The following MID1 variants were observed in gnomAD, a reference collection of about 807,000 sequenced individuals.
The protein encoded by MID1 is E3 ubiquitin-protein ligase Midline-1.
In MID1, 7 loss-of-function variants were observed where a neutral mutation model predicts 40.4. The observed-to-expected ratio is 0.17, with a 90% CI of 0.10 to 0.33. The LOEUF is 0.33. Among genes scored for constraint, MID1 ranks in the 10% least tolerant of loss-of-function variants. The pLI is 1.00. For missense variants in MID1, 367 were observed against 558.5 expected, an observed-to-expected ratio of 0.66 and a Z score of 3.46; for synonymous variants, 229 against 221.2, an observed-to-expected ratio of 1.04 and a Z score of -0.31.
intron 1 of MID1, among the ~76,000 whole-genome samples, chrX:10,649,347 C>A (rs1037259693): frequency 3.6e-5 from 4 of 111,940 alleles, no homozygotes; most frequent in Admixed American, 9.5e-5. Context: ...TCTTCTGCAG[C>A]TTTTAACACA....
intron 1 of MID1, among the ~76,000 whole-genome samples, chrX:10,643,180 A>C (rs956901573): frequency 3.9e-4 from 43 of 111,335 alleles, no homozygotes; most frequent in African/African-American, 1.3e-3. Flanking sequence ...TAATTAAACT[A>C]AAGAGCTTCT....
At chrX:10,759,253 A>G (rs907962268) in intron 1 of MID1, among the ~76,000 whole-genome samples, 1 of 112,270 alleles carries the variant, frequency 8.9e-6, no homozygotes, top group African/African-American at 3.2e-5. Context: ...TCAATTTTGC[A>G]TAACAGTTTC....
At chrX:10,667,761 T>C (rs188220841) in intron 1 of MID1, among the ~76,000 whole-genome samples, 3 of 111,395 alleles carry the variant, frequency 2.7e-5, no homozygotes, top group Admixed American at 9.6e-5. Context: ...ACACAGCATC[T>C]TGTGAGCTTT....
At chrX:10,730,532 G>A (rs1398847852) in intron 1 of MID1, among the ~76,000 whole-genome samples, 1 of 105,238 alleles carries the variant, frequency 9.5e-6, no homozygotes, top group Non-Finnish European at 1.9e-5. Context: ...CACTCAAATC[G>A]TACCGCAACT....
At position 10,550,501 on chromosome X, in the gene MID1, TCCAGGCTG is replaced by T. The variant is rs202125443; in HGVS notation, c.660+16379_660+16386del. 5.4e-3 allele frequency among the ~76,000 whole-genome samples: 600 copies of T among 111,863 alleles called. 1 individual carries two copies. The highest frequency in any genetic ancestry group is 0.017 in the African/African-American group (519 of 30,777). Reference sequence around the variant, plus strand: ...CTGTGCAAAGAACTCTGGGGCTGCTTCCAGGCTGCCAGGCTGCCAGGCTGCCACTCAGG... The same window carrying T: ...CTGTGCAAAGAACTCTGGGGCTGCTTCCAGGCTGCCAGGCTGCCACTCAGG... On this transcript the variant is annotated intron_variant, in intron 2 of 9. Coordinates refer to ENST00000317552, the MANE Select transcript of MID1 (RefSeq NM_000381.4).
chrX:10,508,267 G>A, intron 3 of MID1, among the ~76,000 whole-genome samples: 1 of 112,349 alleles, frequency 8.9e-6, no homozygotes, highest in Middle Eastern at 4.6e-3. Flanking sequence ...GCCACCACTA[G>A]CCACTTGTGG....
chrX:10,623,982 G>T (rs1447747839), upstream of MID1, among the ~76,000 whole-genome samples: 3 of 111,714 alleles, frequency 2.7e-5, no homozygotes, highest in Non-Finnish European at 5.6e-5. Context: ...AACAACATGA[G>T]TCCCCACTTA....
chrX:10,792,496 T>C (rs1207993114), intron 1 of MID1, among the ~76,000 whole-genome samples: 1 of 112,528 alleles, frequency 8.9e-6, no homozygotes, highest in African/African-American at 3.2e-5. Context: ...CACATATTGG[T>C]AGAATGTTCT....
intron 2 of MID1, among the ~76,000 whole-genome samples, chrX:10,561,980 C>T (rs112062559): frequency 0.037 from 3,907 of 106,776 alleles, 634 homozygotes; most frequent in African/African-American, 0.13. Context: ...CAAATGCCCA[C>T]CAATGATAGA....
intron 7 of MID1, among the ~76,000 whole-genome samples, chrX:10,465,230 C>T (rs1337620207): frequency 1.7e-4 from 16 of 92,863 alleles, no homozygotes; most frequent in Non-Finnish European, 2.7e-4. Context: ...CACACACACA[C>T]ACACACACAC....
intron 1 of MID1, among the ~76,000 whole-genome samples, chrX:10,720,135 T>C (rs938361090): frequency 2.7e-5 from 3 of 111,799 alleles, no homozygotes; most frequent in African/African-American, 9.8e-5. Context: ...GACATAGGCA[T>C]GGGCAAGGAC....
chrX:10,517,315 A>T (rs1932500287), intron 3 of MID1, among the ~76,000 whole-genome samples: 1 of 111,877 alleles, frequency 8.9e-6, no homozygotes, highest in South Asian at 3.8e-4. Context: ...GGAACCAAGG[A>T]TGTGGACCAG....
chrX:10,461,096 ATATATG>A (rs1929001300), intron 7 of MID1, among the ~76,000 whole-genome samples: 2 of 105,531 alleles, frequency 1.9e-5, no homozygotes, highest in South Asian at 8.1e-4. Context: ...ATATATATAT[ATATATG>A]TATGTATGTA....
rs757390504 is a variant in MID1, at chrX:10,636,785, G to GAGATAT, written c.-186-16367_-186-16366insATATCT. 4.9e-4 allele frequency among the ~76,000 whole-genome samples: 21 copies of GAGATAT among 42,708 alleles called. No homozygotes were observed. The East Asian group carries it at 8.5e-3, about 17-fold the overall frequency. 37.1% of individuals were successfully genotyped at this position (42,708 alleles called of 115,157 possible). A position where few individuals can be genotyped will look rare whatever the true frequency, so the allele number is the denominator to read the frequency against. On this transcript the variant is annotated intron_variant, in intron 1 of 10. Transcript: ENST00000380785. ...CAAACTGGGCCATTCCAACAATGGG[G>GAGATAT]ATATATATATATATATATATATATA...
intron 1 of MID1, among the ~76,000 whole-genome samples, chrX:10,597,130 A>G (rs1049682033): frequency 9.0e-6 from 1 of 111,296 alleles, no homozygotes; most frequent in Non-Finnish European, 1.9e-5. Context: ...CATATGTATA[A>G]TGTATATTGG....
chrX:10,601,820 T>C (rs375150971), intron 1 of MID1, among the ~76,000 whole-genome samples: 2 of 111,430 alleles, frequency 1.8e-5, no homozygotes, highest in South Asian at 3.8e-4. Flanking sequence ...AGCCTACCCC[T>C]GTTCCCTAGG....
At chrX:10,530,232 A>C (rs1482944807) in intron 2 of MID1, among the ~76,000 whole-genome samples, 1 of 112,144 alleles carries the variant, frequency 8.9e-6, no homozygotes, top group Non-Finnish European at 1.9e-5. Flanking sequence ...CTAAACCCAA[A>C]GTCAAGTTGC....
intron 1 of MID1, among the ~76,000 whole-genome samples, chrX:10,600,116 CAGTA>C (rs760358127): frequency 1.8e-5 from 2 of 111,565 alleles, no homozygotes; most frequent in Non-Finnish European, 3.8e-5. Context: ...ACTGTGTCCT[CAGTA>C]AGTACTTACC....
At chrX:10,499,094 T>C (rs1159738058) in intron 3 of MID1, among the ~76,000 whole-genome samples, 1 of 112,166 alleles carries the variant, frequency 8.9e-6, no homozygotes, top group Non-Finnish European at 1.9e-5. Context: ...TCCACATCCT[T>C]GTTAATGCTT....
Sources: gnomAD v4.1 joint callset for allele counts (sites outside exome capture counted in the v4.1 genomes callset) on GRCh38, gnomAD v4.1.1 for gene constraint, MANE v1.5 for transcripts, NCBI Gene and HGNC (gene_info 2026-07-23, HGNC 2026-07-21) for gene names.